GPR149: variants seen among roughly 807,000 people sequenced by gnomAD.
GPR149 encodes the protein probable G protein-coupled receptor 149.
Under a neutral mutation model 50.2 loss-of-function variants are expected in GPR149, and 50 were observed. The ratio of observed to expected loss-of-function variants is 1.00; its 90% CI spans 0.79 to 1.26. The LOEUF (loss-of-function observed/expected upper bound fraction) is 1.26, where lower values mean the gene tolerates loss of function less well. Among genes scored for constraint, GPR149 ranks in the 50% most tolerant of loss-of-function variants. The pLI is 0.00. For missense variants in GPR149, 983 were observed against 895.4 expected, an observed-to-expected ratio of 1.10 and a Z score of -1.25; for synonymous variants, 405 against 358.2, an observed-to-expected ratio of 1.13 and a Z score of -1.48.
chr3:154,412,437 C>T (rs1418957764), intron 3 of GPR149, among the ~76,000 whole-genome samples: 1 of 152,060 alleles, frequency 6.6e-6, no homozygotes, highest in African/African-American at 2.4e-5. Flanking sequence ...CCTAACGACT[C>T]ATCTAAAAAG....
chr3:154,421,619 T>C, intron 2 of GPR149, 132 bp from the exon 3 acceptor site: 1 of 510,520 alleles, frequency 2.0e-6, no homozygotes, highest in South Asian at 4.1e-5. Context: ...CTTCATTTAC[T>C]TTTTGTCAGT....
At chr3:154,404,674 G>C (rs1023015640) in intron 3 of GPR149, among the ~76,000 whole-genome samples, 3 of 152,176 alleles carry the variant, frequency 2.0e-5, no homozygotes, top group African/African-American at 7.2e-5. Context: ...TCAGATAACT[G>C]AAGTTTGTTC....
intron 3 of GPR149, among the ~76,000 whole-genome samples, chr3:154,367,392 C>T (rs1000483483): frequency 6.6e-6 from 1 of 151,608 alleles, no homozygotes; most frequent in Non-Finnish European, 1.5e-5. Context: ...GATCAGCAGA[C>T]CTTATCTATG....
chr3:154,385,580 T>G (rs1029289083), intron 3 of GPR149, among the ~76,000 whole-genome samples: 2 of 152,104 alleles, frequency 1.3e-5, no homozygotes, highest in Non-Finnish European at 2.9e-5. Flanking sequence ...TTTTGGTTTG[T>G]TCGTTTTTAT....
At chr3:154,414,981 T>G (rs1223414488) in intron 3 of GPR149, among the ~76,000 whole-genome samples, 1 of 152,060 alleles carries the variant, frequency 6.6e-6, no homozygotes, top group African/African-American at 2.4e-5. Flanking sequence ...AATTTCTTGA[T>G]AATTGCATTG....
chr3:154,396,774 C>T (rs895082358), intron 3 of GPR149, among the ~76,000 whole-genome samples: 1 of 151,874 alleles, frequency 6.6e-6, no homozygotes, highest in Non-Finnish European at 1.5e-5. Flanking sequence ...AACACTTTAG[C>T]TCTTCATGAA....
chr3:154,411,393 G>A (rs754832611), intron 3 of GPR149, among the ~76,000 whole-genome samples: 22 of 151,810 alleles, frequency 1.4e-4, no homozygotes, highest in Non-Finnish European at 2.9e-4. Context: ...TAATACAAAA[G>A]ATAAATTAAA....
chr3:154,405,112 GATGAT>G (rs1160862330), intron 3 of GPR149, among the ~76,000 whole-genome samples: 3 of 152,178 alleles, frequency 2.0e-5, no homozygotes, highest in Admixed American at 2.0e-4. Flanking sequence ...TCTATTTGCA[GATGAT>G]ATGATATTAT....
chr3:154,416,072 T>C (rs1711979321), intron 3 of GPR149, among the ~76,000 whole-genome samples: 1 of 151,872 alleles, frequency 6.6e-6, no homozygotes, highest in Non-Finnish European at 1.5e-5. Context: ...AAAACAGCAA[T>C]ACACTGTTCT....
chr3:154,363,114 A>C (rs1434982717), intron 3 of GPR149, among the ~76,000 whole-genome samples: 1 of 152,204 alleles, frequency 6.6e-6, no homozygotes, highest in Non-Finnish European at 1.5e-5. Context: ...GGGGAGGTTG[A>C]GGGGAGATGA....
At chr3:154,354,742 G>A in intron 3 of GPR149, 1 of 695,496 alleles carries the variant, frequency 1.4e-6, no homozygotes. Context: ...CTGGCTCTCG[G>A]ACTCCTCCAA....
chr3:154,352,759 C>T (rs1279712094), intron 3 of GPR149: 13 of 796,098 alleles, frequency 1.6e-5, no homozygotes, highest in South Asian at 9.3e-5. Flanking sequence ...GGTATCCATG[C>T]TTTTAGATTT....
At chr3:154,425,878 G>A (rs1326253050) in intron 2 of GPR149, among the ~76,000 whole-genome samples, 3 of 152,084 alleles carry the variant, frequency 2.0e-5, no homozygotes. Context: ...TCTGTTGTTT[G>A]CTTTGTTTTC....
intron 3 of GPR149, among the ~76,000 whole-genome samples, chr3:154,342,894 CTG>C (rs1301756953): frequency 6.6e-6 from 1 of 152,178 alleles, no homozygotes; most frequent in Non-Finnish European, 1.5e-5. Context: ...GATCCTATGT[CTG>C]TGAGTCGGTT....
intron 3 of GPR149, among the ~76,000 whole-genome samples, chr3:154,405,585 CA>C (rs33943436): frequency 1.2e-4 from 10 of 83,482 alleles, no homozygotes; most frequent in African/African-American, 2.6e-4. Flanking sequence ...AAGACTCCAT[CA>C]AAAAAAAAAA....
At chr3:154,417,350 T>C (rs540308240) in intron 3 of GPR149, among the ~76,000 whole-genome samples, 7 of 152,166 alleles carry the variant, frequency 4.6e-5, no homozygotes, top group Admixed American at 1.3e-4. Flanking sequence ...CATTTAAATC[T>C]ACTGAAGCCA....
intron 3 of GPR149, among the ~76,000 whole-genome samples, chr3:154,402,703 C>A (rs1711576766): frequency 1.3e-5 from 2 of 151,980 alleles, no homozygotes; most frequent in African/African-American, 4.8e-5. Flanking sequence ...TACCACTCCA[C>A]CTTCTGTGGT....
intron 3 of GPR149, among the ~76,000 whole-genome samples, chr3:154,358,473 C>G (rs576827681): frequency 3.9e-5 from 6 of 151,964 alleles, no homozygotes; most frequent in African/African-American, 1.4e-4. Flanking sequence ...AATCACCAAA[C>G]CTTTAAAAAC....
At chr3:154,354,249 ACT>A in intron 3 of GPR149, 1 of 458,106 alleles carries the variant, frequency 2.2e-6, no homozygotes, top group South Asian at 1.8e-5. Flanking sequence ...TCACTCCAGC[ACT>A]GTGTAATGTG....
Sources: allele counts gnomAD v4.1 joint callset (sites outside exome capture counted in the v4.1 genomes callset), GRCh38; gene constraint gnomAD v4.1.1; transcripts MANE v1.5; gene names NCBI Gene and HGNC (gene_info 2026-07-23, HGNC 2026-07-21).